Variants in SEZ6L observed in about 807,000 individuals in gnomAD.
The protein encoded by SEZ6L is seizure 6-like protein.
A neutral mutation model predicts 106.2 loss-of-function variants in SEZ6L; 37 were observed. The ratio of observed to expected loss-of-function variants is 0.35; its 90% CI spans 0.27 to 0.46. The LOEUF (loss-of-function observed/expected upper bound fraction) is 0.46. SEZ6L is among the 20% of genes least tolerant of loss of function. The pLI is 1.00. For synonymous variants in SEZ6L, 541 were observed against 570.4 expected (o/e 0.95, Z 0.73); for missense variants, 1,172 against 1,332.8 (o/e 0.88, Z 1.88).
chr22:26,317,887 G>A (rs1388974521), intron 9 of SEZ6L, among the ~76,000 whole-genome samples: 2 of 152,010 alleles, frequency 1.3e-5, no homozygotes, highest in Non-Finnish European at 1.5e-5. Flanking sequence ...TTCCTCCTCT[G>A]CAAGATGATG....
intron 1 of SEZ6L, chr22:26,241,410 C>G (rs1478234843): frequency 5.3e-5 from 8 of 152,142 alleles, no homozygotes. Flanking sequence ...AGGGATGCAG[C>G]ACTGGACAGA....
intron 1 of SEZ6L, among the ~76,000 whole-genome samples, chr22:26,228,452 C>T (rs1569399661): frequency 6.6e-6 from 1 of 152,166 alleles, no homozygotes; most frequent in Non-Finnish European, 1.5e-5. Flanking sequence ...CCATTTGTCA[C>T]TCCACACGTT....
intron 1 of SEZ6L, among the ~76,000 whole-genome samples, chr22:26,254,466 A>G (rs1437176004): frequency 1.3e-5 from 2 of 152,072 alleles, no homozygotes; most frequent in Admixed American, 6.5e-5. Context: ...AAATGAACAC[A>G]TGTAGGCCAG....
At chr22:26,219,384 TG>T (rs1158658330) in intron 1 of SEZ6L, among the ~76,000 whole-genome samples, 9 of 152,258 alleles carry the variant, frequency 5.9e-5, no homozygotes, top group Middle Eastern at 3.4e-3. Context: ...TTTTTTTGTT[TG>T]TTTTTTTACA....
intron 1 of SEZ6L, among the ~76,000 whole-genome samples, chr22:26,174,983 A>C (rs1241940601): frequency 6.6e-6 from 1 of 152,206 alleles, no homozygotes; most frequent in Non-Finnish European, 1.5e-5. Context: ...AGGTACTGAG[A>C]GGTTAAGCAA....
At chr22:26,201,169 C>T (rs74276938) in intron 1 of SEZ6L, among the ~76,000 whole-genome samples, 7,380 of 152,038 alleles carry the variant, frequency 0.049, 342 homozygotes, top group East Asian at 0.22. Context: ...AGAGCCCGAG[C>T]CTCTGGCAGA....
chr22:26,375,717 C>A lies in SEZ6L; in HGVS notation c.2942+28C>A, dbSNP rs780929799. On this transcript the variant is annotated intron_variant, in intron 15 of 16. Coordinates refer to ENST00000248933, the MANE Select transcript of SEZ6L (RefSeq NM_021115.5). Reference sequence around the variant, plus strand: ...AGGGAGCTGATGGGGGAGATGACTGCCAAGCACCCAGCCACCAGTACTCAG... The same window carrying A: ...AGGGAGCTGATGGGGGAGATGACTGACAAGCACCCAGCCACCAGTACTCAG... 8 of 1,553,296 alleles carry A rather than the reference C, an allele frequency of 5.2e-6. No individual in the cohort carries two copies. In the African/African-American group the frequency reaches 9.5e-5, roughly 18 times the overall value.
chr22:26,304,424 GA>G (rs1569454511), intron 5 of SEZ6L, among the ~76,000 whole-genome samples: 2 of 143,770 alleles, frequency 1.4e-5, no homozygotes, highest in Non-Finnish European at 3.1e-5. Context: ...AAGAAAGAAA[GA>G]AAGAAAAAGA....
At chr22:26,312,149 G>A (rs1429243175) in intron 8 of SEZ6L, among the ~76,000 whole-genome samples, 187 bp downstream of exon 8, 1 of 152,170 alleles carries the variant, frequency 6.6e-6, no homozygotes, top group Non-Finnish European at 1.5e-5. Flanking sequence ...TTACAAAATG[G>A]GTGAATTTTA....
intron 1 of SEZ6L, among the ~76,000 whole-genome samples, chr22:26,262,977 C>T (rs2080064589): frequency 6.6e-6 from 1 of 152,194 alleles, no homozygotes; most frequent in Non-Finnish European, 1.5e-5. Context: ...CATAGTCTTG[C>T]CCTGCTATAT....
At chr22:26,374,811 C>G (rs2084162741) in intron 14 of SEZ6L, among the ~76,000 whole-genome samples, 2 of 152,204 alleles carry the variant, frequency 1.3e-5, no homozygotes, top group African/African-American at 4.8e-5. Context: ...CCCTCTGCCC[C>G]AGGCGCCTGC....
intron 1 of SEZ6L, among the ~76,000 whole-genome samples, chr22:26,235,860 A>C (rs569037748): frequency 6.6e-6 from 1 of 152,318 alleles, no homozygotes; most frequent in African/African-American, 2.4e-5. Flanking sequence ...GGAGAATTCC[A>C]AGCGGAAAAA....
intron 9 of SEZ6L, among the ~76,000 whole-genome samples, chr22:26,319,566 A>C (rs2082097842): frequency 6.6e-6 from 1 of 152,116 alleles, no homozygotes; most frequent in Non-Finnish European, 1.5e-5. Flanking sequence ...GGGCCTTTGC[A>C]CTGCTGTCTC....
At chr22:26,295,720 G>A (rs967128005) in intron 3 of SEZ6L, among the ~76,000 whole-genome samples, 44 of 152,184 alleles carry the variant, frequency 2.9e-4, no homozygotes, top group African/African-American at 9.9e-4. Flanking sequence ...CATTCATTGA[G>A]CAATTAGAAT....
At chr22:26,202,703 G>A (rs1325169344) in intron 1 of SEZ6L, among the ~76,000 whole-genome samples, 3 of 152,152 alleles carry the variant, frequency 2.0e-5, no homozygotes, top group Non-Finnish European at 4.4e-5. Context: ...GATGATGTGG[G>A]TGGAAGGGCA....
chr22:26,209,444 G>A (rs897140373), intron 1 of SEZ6L, among the ~76,000 whole-genome samples: 1 of 149,294 alleles, frequency 6.7e-6, no homozygotes, highest in African/African-American at 2.5e-5. Flanking sequence ...GGATGAAAAG[G>A]AGAGGGAAGG....
At chr22:26,196,440 C>G (rs1172526517) in intron 1 of SEZ6L, among the ~76,000 whole-genome samples, 1 of 152,326 alleles carries the variant, frequency 6.6e-6, no homozygotes, top group East Asian at 1.9e-4. Context: ...TGAGTAAGAA[C>G]TAAGGCCAAT....
intron 5 of SEZ6L, among the ~76,000 whole-genome samples, chr22:26,301,430 G>A (rs2081451739): frequency 6.6e-6 from 1 of 152,216 alleles, no homozygotes; most frequent in Non-Finnish European, 1.5e-5. Context: ...CTCTCACAGA[G>A]TTTCCAGTCA....
At chr22:26,377,257 C>T (rs1241792869) in intron 15 of SEZ6L, among the ~76,000 whole-genome samples, 2 of 152,140 alleles carry the variant, frequency 1.3e-5, no homozygotes, top group African/African-American at 4.8e-5. Flanking sequence ...ACCCGGGTGA[C>T]AGAGCAAGAC....
Sources: gnomAD v4.1 joint callset for allele counts (sites outside exome capture counted in the v4.1 genomes callset) on GRCh38, gnomAD v4.1.1 for gene constraint, MANE v1.5 for transcripts, NCBI Gene and HGNC (gene_info 2026-07-23, HGNC 2026-07-21) for gene names.